The following TMEM132D variants were observed in gnomAD, a reference collection of about 807,000 sequenced individuals.
TMEM132D encodes the protein transmembrane protein 132D, also known as mature OL transmembrane protein.
TMEM132D carries 21 observed loss-of-function variants against 62.3 expected under a neutral mutation model. That is an observed-to-expected ratio of 0.34 (90% CI 0.24 to 0.49). The LOEUF is 0.49. Among genes scored for constraint, TMEM132D ranks in the 20% least tolerant of loss-of-function variants. TMEM132D has a pLI of 0.99. For synonymous variants in TMEM132D, 621 were observed against 575.6 expected (o/e 1.08, Z -1.13); for missense variants, 1,346 against 1,402.8 (o/e 0.96, Z 0.65).
chr12:129,451,975 A>G (rs1324132209), intron 3 of TMEM132D, among the ~76,000 whole-genome samples: 1 of 152,222 alleles, frequency 6.6e-6, no homozygotes, highest in Non-Finnish European at 1.5e-5. Context: ...GCAAGTAGCA[A>G]TCTGCCATAG....
intron 4 of TMEM132D, among the ~76,000 whole-genome samples, chr12:129,319,261 C>A (rs61943934): frequency 1.3e-5 from 2 of 152,206 alleles, no homozygotes; most frequent in African/African-American, 2.4e-5. Flanking sequence ...GGGGACCCAG[C>A]GAGCTCCCAG....
intron 1 of TMEM132D, among the ~76,000 whole-genome samples, chr12:129,887,035 G>A (rs887677426): frequency 2.0e-5 from 3 of 152,146 alleles, no homozygotes; most frequent in Non-Finnish European, 4.4e-5. Context: ...TCTCGGGTAC[G>A]TCCTCATAGC....
At chr12:129,812,747 C>T (rs1402725344) in intron 1 of TMEM132D, among the ~76,000 whole-genome samples, 2 of 151,682 alleles carry the variant, frequency 1.3e-5, no homozygotes, top group African/African-American at 2.4e-5. Flanking sequence ...CACTGCTTCC[C>T]AATCTCTTTT....
intron 3 of TMEM132D, among the ~76,000 whole-genome samples, chr12:129,366,262 T>G (rs1440917479): frequency 6.6e-6 from 1 of 152,126 alleles, no homozygotes; most frequent in Non-Finnish European, 1.5e-5. Flanking sequence ...ATGTTGGAGG[T>G]GGGTCTGGTG....
chr12:129,151,930 T>A (rs370018360), intron 5 of TMEM132D, among the ~76,000 whole-genome samples: 7 of 147,032 alleles, frequency 4.8e-5, no homozygotes, highest in Admixed American at 4.2e-4. Context: ...CAGGCTGGAG[T>A]GCAGTGGTGC....
chr12:129,735,298 C>T (rs995408864), intron 1 of TMEM132D, among the ~76,000 whole-genome samples: 73 of 152,288 alleles, frequency 4.8e-4, no homozygotes, highest in African/African-American at 1.7e-3. Context: ...TTCCCTATCA[C>T]ACCACCTGGC....
At chr12:129,533,032 T>G (rs1414561141) in intron 2 of TMEM132D, among the ~76,000 whole-genome samples, 1 of 152,126 alleles carries the variant, frequency 6.6e-6, no homozygotes, top group Non-Finnish European at 1.5e-5. Flanking sequence ...TCGCTGGACC[T>G]GGGGGTGGTC....
chr12:129,244,402 A>AAC (rs1880030876), intron 4 of TMEM132D, among the ~76,000 whole-genome samples: 1 of 84,200 alleles, frequency 1.2e-5, no homozygotes, highest in Non-Finnish European at 2.7e-5. Flanking sequence ...AAAAAAAAAA[A>AAC]AAAAAAACAA....
At chr12:129,148,915 G>A (rs974632852) in intron 5 of TMEM132D, among the ~76,000 whole-genome samples, 4 of 146,270 alleles carry the variant, frequency 2.7e-5, no homozygotes, top group African/African-American at 2.5e-5. Flanking sequence ...AAACAGCCCC[G>A]GATGGCGCTG....
chr12:129,434,504 C>T (rs141760935), intron 3 of TMEM132D, among the ~76,000 whole-genome samples: 33 of 152,198 alleles, frequency 2.2e-4, no homozygotes, highest in African/African-American at 7.7e-4. Flanking sequence ...AAAACACAGC[C>T]TGACAACAGA....
At chr12:129,527,665 T>C (rs1053897461) in intron 3 of TMEM132D, among the ~76,000 whole-genome samples, 14 of 152,288 alleles carry the variant, frequency 9.2e-5, no homozygotes, top group African/African-American at 3.4e-4. Context: ...TACAAGGAAA[T>C]GAGAACATGT....
At chr12:129,109,751 G>T (rs11060137) in intron 5 of TMEM132D, 42,760 of 159,286 alleles carry the variant, frequency 0.27, 6,441 homozygotes, top group East Asian at 0.6. Context: ...CCTAGCCATG[G>T]GGACCTGTAA....
chr12:129,256,245 TGTTA>T (rs551802508), intron 4 of TMEM132D, among the ~76,000 whole-genome samples: 130 of 152,036 alleles, frequency 8.6e-4, no homozygotes, highest in Non-Finnish European at 1.1e-3. Flanking sequence ...CATGTCCATT[TGTTA>T]GTTTGCTCAC....
At chr12:129,443,051 G>A (rs1035901091) in intron 3 of TMEM132D, among the ~76,000 whole-genome samples, 1 of 152,060 alleles carries the variant, frequency 6.6e-6, no homozygotes, top group Non-Finnish European at 1.5e-5. Flanking sequence ...TTCAGGGTGG[G>A]GCATCTTTGA....
chr12:129,568,141 C>A (rs573870931), intron 2 of TMEM132D, among the ~76,000 whole-genome samples: 1 of 152,362 alleles, frequency 6.6e-6, no homozygotes, highest in Admixed American at 6.5e-5. Flanking sequence ...GAGGATACAG[C>A]AGCTTCCTGC....
intron 1 of TMEM132D, among the ~76,000 whole-genome samples, chr12:129,809,343 G>T (rs578217416): frequency 1.3e-5 from 2 of 151,106 alleles, no homozygotes; most frequent in East Asian, 3.9e-4. Flanking sequence ...TGAACGCTCT[G>T]AGCAAACCTT....
chr12:129,346,676 C>T lies in TMEM132D; in HGVS notation c.1116-8859G>A, dbSNP rs1033907181. 2.0e-5 allele frequency among the ~76,000 whole-genome samples: 3 copies of T among 152,156 alleles called. No homozygotes were observed. In the South Asian group the frequency reaches 6.2e-4, roughly 32 times the overall value. ...GACAAGGATGTCCTCTCTCACCACT[C>T]CTATTCAACACAGTATTGGAAGTTC... is the stretch of plus-strand genomic sequence containing the variant. On this transcript the variant is annotated intron_variant, in intron 3 of 8. Transcript: ENST00000422113.
intron 1 of TMEM132D, among the ~76,000 whole-genome samples, chr12:129,705,065 G>A (rs112816801): frequency 2.0e-5 from 3 of 152,034 alleles, no homozygotes; most frequent in Non-Finnish European, 2.9e-5. Flanking sequence ...TATGAGAATG[G>A]GAGCTTTTGA....
intron 2 of TMEM132D, among the ~76,000 whole-genome samples, chr12:129,646,017 G>C (rs1479000811): frequency 1.3e-5 from 2 of 152,192 alleles, no homozygotes; most frequent in African/African-American, 4.8e-5. Flanking sequence ...TATATGGCCA[G>C]TCAGCAGCGT....
Sources: gnomAD v4.1 joint callset for allele counts (sites outside exome capture counted in the v4.1 genomes callset) on GRCh38, gnomAD v4.1.1 for gene constraint, MANE v1.5 for transcripts, NCBI Gene and HGNC (gene_info 2026-07-23, HGNC 2026-07-21) for gene names.